Variants in LOXHD1 observed in about 807,000 individuals in gnomAD.
The protein encoded by LOXHD1 is lipoxygenase homology PLAT domains 1.
Under a neutral mutation model 248.2 loss-of-function variants are expected in LOXHD1, and 205 were observed. The observed-to-expected ratio is 0.83, with a 90% CI of 0.74 to 0.93. The LOEUF is 0.93. Ranked by LOEUF, LOXHD1 falls within the 40% of genes least tolerant of loss-of-function variation. The pLI, the probability that LOXHD1 is intolerant of heterozygous loss-of-function variation, is 0.00. For synonymous variants in LOXHD1, 1,113 were observed against 1,162.8 expected (o/e 0.96, Z 0.87); for missense variants, 2,930 against 2,971.6 (o/e 0.99, Z 0.33).
intron 37 of LOXHD1, among the ~76,000 whole-genome samples, chr18:46,494,847 CTCTTTTT>C (rs2033734994): frequency 8.8e-6 from 1 of 113,430 alleles, no homozygotes; most frequent in African/African-American, 3.1e-5. Context: ...TTTTCTCTCT[CTCTTTTT>C]TTTTTTTTTT....
At chr18:46,484,985 C>T (rs1051992045) in intron 39 of LOXHD1, 34 bp downstream of exon 39, 7 of 1,544,390 alleles carry the variant, frequency 4.5e-6, no homozygotes, top group Non-Finnish European at 6.1e-6. Flanking sequence ...ACCTACCCAC[C>T]CCCCACCACT....
chr18:46,524,166 T>A, intron 31 of LOXHD1, among the ~76,000 whole-genome samples: 1 of 152,142 alleles, frequency 6.6e-6, no homozygotes, highest in East Asian at 1.9e-4. Context: ...CATCATGCCT[T>A]AAGTTTGCAT....
chr18:46,640,357 C>G (rs1185293095), intron 3 of LOXHD1, among the ~76,000 whole-genome samples: 2 of 152,150 alleles, frequency 1.3e-5, no homozygotes, highest in East Asian at 3.9e-4. Flanking sequence ...TTAAGTGTGT[C>G]CCTCTCTTCA....
intron 32 of LOXHD1, among the ~76,000 whole-genome samples, 185 bp from the exon 33 acceptor site, chr18:46,521,467 A>G (rs987425857): frequency 6.6e-6 from 1 of 152,218 alleles, no homozygotes; most frequent in Non-Finnish European, 1.5e-5. Flanking sequence ...GACTTTGAGT[A>G]GTTTGGACCT....
intron 21 of LOXHD1, among the ~76,000 whole-genome samples, chr18:46,548,142 C>T (rs776723506): frequency 5.3e-5 from 8 of 151,244 alleles, no homozygotes; most frequent in South Asian, 2.1e-4. Flanking sequence ...GATCTCTGGA[C>T]GCTGTGGTCT....
rs922199209 is a variant in LOXHD1 at position 46,619,793 on chromosome 18, C to T, written c.512-1503G>A. 7.2e-5 allele frequency among the ~76,000 whole-genome samples: 11 copies of T among 152,308 alleles called. No homozygotes were observed. In the South Asian group the frequency reaches 1.5e-3, roughly 20 times the overall value. ...ACTGGTGAGAACACTGAGGCAGCAG[C>T]GGTCAGTGCCTTCCCTTTCTCTCCT... is the stretch of plus-strand genomic sequence containing the variant. On this transcript the variant is annotated intron_variant, in intron 4 of 40. Coordinates refer to ENST00000642948, the MANE Select transcript of LOXHD1 (RefSeq NM_001384474.1).
intron 14 of LOXHD1, among the ~76,000 whole-genome samples, chr18:46,572,639 T>C (rs1173495260): frequency 2.0e-5 from 3 of 152,126 alleles, no homozygotes; most frequent in Non-Finnish European, 2.9e-5. Context: ...ATCATTAGCA[T>C]AGAAAACAAG....
At chr18:46,487,256 G>A (rs1027753836) in intron 38 of LOXHD1, among the ~76,000 whole-genome samples, 4 of 152,148 alleles carry the variant, frequency 2.6e-5, no homozygotes, top group African/African-American at 4.8e-5. Flanking sequence ...GGAGAGGAGC[G>A]AACAGATCCC....
At chr18:46,558,001 C>T (rs1206536522) in intron 20 of LOXHD1, 1 of 1,000,178 alleles carries the variant, frequency 1.0e-6, no homozygotes, top group Non-Finnish European at 1.2e-6. Flanking sequence ...TGGATCACAC[C>T]ATGTGAATGC....
At chr18:46,515,757 T>C (rs2035215114) in intron 34 of LOXHD1, among the ~76,000 whole-genome samples, 2 of 152,146 alleles carry the variant, frequency 1.3e-5, no homozygotes, top group African/African-American at 4.8e-5. Context: ...AGCCAGACCA[T>C]GTATGATAAT....
rs189793185 is a variant in LOXHD1, at chr18:46,560,203, G to C, written c.2941C>G (p.Pro981Ala). 5.2e-6 allele frequency: 8 copies of C among 1,551,762 alleles called. No individual in the cohort carries two copies. Among genetic ancestry groups the C allele is most frequent in the Non-Finnish European group, 7.0e-6 (8 of 1,147,026 alleles). Reference protein sequence around the residue: ...EEEEEEEEFGPGMQEVIEQHK... With the variant: ...EEEEEEEEFGAGMQEVIEQHK... ...TGCTCAATCACCTCCTGCATCCCCG[G>C]CCCAAACTCCTCCTCTTCCTCCTCT... Residue 981 changes from proline (P) to alanine (A), a missense_variant, in exon 19 of 41, where the codon CCG becomes GCG. Physicochemically the swap from Pro to Ala is conservative, Grantham distance 27 (BLOSUM62 -1). Coordinates refer to ENST00000642948, the MANE Select transcript of LOXHD1 (RefSeq NM_001384474.1).
chr18:46,524,052 G>A (rs530352409), intron 31 of LOXHD1, among the ~76,000 whole-genome samples: 2 of 152,342 alleles, frequency 1.3e-5, no homozygotes, highest in African/African-American at 4.8e-5. Context: ...CTGAAGCCAA[G>A]AGACTGGCTT....
At chr18:46,556,774 T>C in intron 21 of LOXHD1, 1 of 177,914 alleles carries the variant, frequency 5.6e-6, no homozygotes, top group Non-Finnish European at 1.1e-5. Flanking sequence ...CAGCCCACCC[T>C]CAGTCTCAGA....
intron 7 of LOXHD1, among the ~76,000 whole-genome samples, chr18:46,603,595 G>A (rs937833414): frequency 4.6e-5 from 7 of 152,192 alleles, no homozygotes; most frequent in African/African-American, 1.7e-4. Flanking sequence ...GCTTTAGGAA[G>A]CAGACCAAAT....
intron 17 of LOXHD1, among the ~76,000 whole-genome samples, chr18:46,565,238 G>C (rs2037615048): frequency 6.7e-6 from 1 of 149,176 alleles, no homozygotes; most frequent in South Asian, 2.2e-4. Context: ...TCCAGCCTGG[G>C]CAACAGAGTA....
At chr18:46,648,114 C>T (rs1165045386) in intron 2 of LOXHD1, among the ~76,000 whole-genome samples, 5 of 152,018 alleles carry the variant, frequency 3.3e-5, no homozygotes, top group African/African-American at 7.2e-5. Flanking sequence ...AAAAATTAGC[C>T]GGTTATGGTG....
intron 26 of LOXHD1, among the ~76,000 whole-genome samples, chr18:46,536,566 C>A (rs1024031986): frequency 2.0e-5 from 3 of 152,194 alleles, no homozygotes; most frequent in Admixed American, 2.0e-4. Flanking sequence ...GTGGGGACTT[C>A]ATTGATAAAA....
At position 46,592,430 on chromosome 18, in the gene LOXHD1, T is replaced by C. The variant is rs114708797; in HGVS notation, c.1518+68A>G. 2,120 of 1,272,140 alleles carry C rather than the reference T, an allele frequency of 1.7e-3. 35 individuals are homozygous for C. In the African/African-American group the frequency reaches 0.03, roughly 18 times the overall value. The allele number at this position is 1,272,140 out of a possible 1,614,324, so 78.8% of individuals were successfully genotyped here. ...ACAGAGGCAAATTTATGTGACAGGGTCATTGAAAAGGGACCATCCTTGTTC... is the reference window on the plus strand; with the variant it reads ...ACAGAGGCAAATTTATGTGACAGGGCCATTGAAAAGGGACCATCCTTGTTC... On this transcript the variant is annotated intron_variant, in intron 11 of 40. Transcript: ENST00000642948.
Position 46,477,332 on chromosome 18 carries a change from G to A in LOXHD1, c.*140C>T, listed in dbSNP as rs1023988476. ...CAATAAACTGGGGGTAGGGTGGGGA[G>A]CAGGACCCCATGAAGTTCTCAGTGG... On this transcript the variant is annotated 3_prime_UTR_variant, in exon 41 of 41. Coordinates refer to ENST00000642948, the MANE Select transcript of LOXHD1 (RefSeq NM_001384474.1). 2.5e-5 allele frequency: 29 copies of A among 1,140,122 alleles called. No homozygotes were observed. The highest frequency in any genetic ancestry group is 2.0e-4 in the Admixed American group (10 of 50,316). 70.6% of individuals were successfully genotyped at this position (1,140,122 alleles called of 1,614,324 possible).
Sources: gnomAD v4.1 joint callset for allele counts (sites outside exome capture counted in the v4.1 genomes callset) on GRCh38, gnomAD v4.1.1 for gene constraint, MANE v1.5 for transcripts, NCBI Gene and HGNC (gene_info 2026-07-23, HGNC 2026-07-21) for gene names.